The following PTPN3 variants were observed in gnomAD, a reference collection of about 807,000 sequenced individuals.
PTPN3 encodes the protein tyrosine-protein phosphatase non-receptor type 3.
Under a neutral mutation model 132.7 loss-of-function variants are expected in PTPN3, and 96 were observed. The observed-to-expected ratio is 0.72, with a 90% confidence interval of 0.61 to 0.86. PTPN3 has a LOEUF of 0.86. Ranked by LOEUF, PTPN3 falls within the 40% of genes least tolerant of loss-of-function variation. The pLI, the probability that PTPN3 is intolerant of heterozygous loss-of-function variation, is 0.00. For synonymous variants in PTPN3, 398 were observed against 429.0 expected (o/e 0.93, Z 0.89); for missense variants, 1,125 against 1,159.6 (o/e 0.97, Z 0.43).
At chr9:109,409,944 C>T in intron 16 of PTPN3, 55 bp downstream of exon 16, 1 of 1,589,890 alleles carries the variant, frequency 6.3e-7, no homozygotes, top group Non-Finnish European at 8.6e-7. Context: ...AAATTAAAAA[C>T]TCATTGAAAG....
chr9:109,432,869 G>A (rs140365589), intron 10 of PTPN3, among the ~76,000 whole-genome samples: 1 of 152,312 alleles, frequency 6.6e-6, no homozygotes, highest in African/African-American at 2.4e-5. Flanking sequence ...AGGGTGAGTT[G>A]GGGGAAGGGA....
chr9:109,477,074 T>C (rs1846704716), intron 1 of PTPN3, among the ~76,000 whole-genome samples: 2 of 151,996 alleles, frequency 1.3e-5, no homozygotes, highest in Non-Finnish European at 2.9e-5. Flanking sequence ...TCAAACAAGG[T>C]GATGATCCCA....
intron 19 of PTPN3, among the ~76,000 whole-genome samples, chr9:109,403,279 A>G (rs552668586): frequency 1.1e-4 from 17 of 152,142 alleles, no homozygotes; most frequent in Middle Eastern, 6.8e-3. Context: ...CATTCCTATT[A>G]CTCATGCCTT....
intron 19 of PTPN3, among the ~76,000 whole-genome samples, chr9:109,403,754 TTC>T (rs1325843012): frequency 3.3e-5 from 5 of 152,198 alleles, no homozygotes; most frequent in African/African-American, 1.2e-4. Context: ...TCTATTTTAA[TTC>T]TGTTAGTGAT....
chr9:109,416,471 G>T (rs1259463372), intron 14 of PTPN3, among the ~76,000 whole-genome samples: 2 of 148,700 alleles, frequency 1.3e-5, no homozygotes, highest in Non-Finnish European at 3.0e-5. Context: ...TTTTTGACAG[G>T]GTCTCACTCC....
At chr9:109,476,874 C>A (rs529601127) in intron 1 of PTPN3, among the ~76,000 whole-genome samples, 17 of 152,342 alleles carry the variant, frequency 1.1e-4, no homozygotes, top group Non-Finnish European at 2.5e-4. Context: ...CTTTCTCAGT[C>A]CCTGGGCCAT....
At position 109,436,838 on chromosome 9, in the gene PTPN3, A is replaced by G. The variant is rs1327146015; in HGVS notation, c.675+45T>C. On this transcript the variant is annotated intron_variant, in intron 9 of 25. Transcript: ENST00000374541. ...AATTTTTCAAACTCTCAGAGATTAA[A>G]ATAAAAACATAATGTTTGAGCCAAG... The G allele has an allele frequency of 2.5e-6, 4 of 1,573,962 alleles. No homozygotes were observed. The Admixed American group carries it at 7.7e-5, about 30-fold the overall frequency.
intron 4 of PTPN3, 30 bp downstream of exon 4, chr9:109,457,143 G>A: frequency 6.2e-7 from 1 of 1,606,362 alleles, no homozygotes; most frequent in South Asian, 1.1e-5. Context: ...AACACCTAAT[G>A]TTCGACTGAA....
intron 16 of PTPN3, 60 bp from the exon 17 acceptor site, chr9:109,408,437 C>CAAACA (rs1193481579): frequency 1.4e-6 from 2 of 1,380,572 alleles, no homozygotes; most frequent in Non-Finnish European, 2.0e-6. Context: ...AACAAACAAA[C>CAAACA]AAAAAAACGA....
At chr9:109,408,839 G>A (rs538095970) in intron 16 of PTPN3, among the ~76,000 whole-genome samples, 64 of 110,486 alleles carry the variant, frequency 5.8e-4, no homozygotes, top group Non-Finnish European at 9.3e-4. Flanking sequence ...TATATATATG[G>A]GCTTTAATAT....
At chr9:109,474,174 G>A (rs1179968120) in intron 1 of PTPN3, among the ~76,000 whole-genome samples, 1 of 152,032 alleles carries the variant, frequency 6.6e-6, no homozygotes, top group Non-Finnish European at 1.5e-5. Context: ...GAGAAAAATA[G>A]GGCAAATGCC....
At chr9:109,392,559 CTA>C (rs1242413802) in intron 19 of PTPN3, 1 of 152,142 alleles carries the variant, frequency 6.6e-6, no homozygotes, top group Non-Finnish European at 1.5e-5. Context: ...CATTTATATA[CTA>C]TGTTTTTAAA....
intron 22 of PTPN3, among the ~76,000 whole-genome samples, chr9:109,386,294 G>A (rs987853119): frequency 6.6e-6 from 1 of 152,180 alleles, no homozygotes. Flanking sequence ...GCCAAAGAAG[G>A]AGAGAGAGCA....
At chr9:109,480,786 C>T (rs1344568427) in intron 1 of PTPN3, among the ~76,000 whole-genome samples, 1 of 152,128 alleles carries the variant, frequency 6.6e-6, no homozygotes, top group Non-Finnish European at 1.5e-5. Flanking sequence ...GAGCTAACAT[C>T]CCTACACAAA....
chr9:109,420,329 C>T lies in PTPN3; in HGVS notation c.1313+95G>A, dbSNP rs1241731254. ...TGTGGGAGCTGGCTGCAGGCACCAG[C>T]TCTTGGTTCCTCTCAAATGGCAACC... On this transcript the variant is annotated intron_variant, in intron 14 of 25. Transcript: ENST00000374541. 8.3e-6 allele frequency: 11 copies of T among 1,319,532 alleles called. No individual in the cohort carries two copies. In the South Asian group the frequency reaches 1.4e-4, roughly 17 times the overall value. The allele number at this position is 1,319,532 out of a possible 1,614,324, so 81.7% of individuals were successfully genotyped here.
chr9:109,520,575 G>A, the PTPN3 span, among the ~76,000 whole-genome samples: 1 of 152,210 alleles, frequency 6.6e-6, no homozygotes, highest in African/African-American at 2.4e-5. Flanking sequence ...GGCTTCAACT[G>A]TTCCCTCATC....
chr9:109,404,419 A>T, intron 19 of PTPN3, 29 bp downstream of exon 19: 1 of 1,361,334 alleles, frequency 7.3e-7, no homozygotes, highest in Non-Finnish European at 9.7e-7. Context: ...GCGACATGGC[A>T]GTGGGATTCA....
At chr9:109,537,762 G>A in the PTPN3 span, among the ~76,000 whole-genome samples, 12 of 152,192 alleles carry the variant, frequency 7.9e-5, no homozygotes, top group Non-Finnish European at 1.3e-4. Flanking sequence ...GTCCACTGAA[G>A]CTCATTTGTA....
Position 109,404,478 on chromosome 9 carries a change from G to T in PTPN3, c.1923C>A (p.Leu641=), listed in dbSNP as rs1431201989. 1 of 1,525,444 alleles carries T rather than the reference G, an allele frequency of 6.6e-7. No individual in the cohort carries two copies. Among genetic ancestry groups the T allele is most frequent in the Non-Finnish European group, 8.9e-7 (1 of 1,122,318 alleles). 94.5% of individuals were successfully genotyped at this position (1,525,444 alleles called of 1,614,324 possible). The change falls in exon 19 of 26, where the codon CTC becomes CTA. Residue 641 remains leucine (L), a synonymous_variant. Transcript: ENST00000374541. ...ACTGGATCAGCACCGTCCCGCTTTC[G>T]AGGCCCTTCTTTAGCTGTGCCATGG... is the stretch of plus-strand genomic sequence containing the variant. The part of the protein sequence containing the change: ...EGSMAQLKKG[L]ESGTVLIQFE...
Sources: allele counts gnomAD v4.1 joint callset (sites outside exome capture counted in the v4.1 genomes callset), GRCh38; gene constraint gnomAD v4.1.1; transcripts MANE v1.5; gene names NCBI Gene and HGNC (gene_info 2026-07-23, HGNC 2026-07-21).